AMPD2: variants seen among roughly 807,000 people sequenced by gnomAD.
AMPD2 encodes adenosine monophosphate deaminase 2, also known as AMP deaminase 2.
Under a neutral mutation model 91.3 loss-of-function variants are expected in AMPD2, and 52 were observed. The ratio of observed to expected loss-of-function variants is 0.57; its 90% CI spans 0.46 to 0.72. The LOEUF is 0.72. AMPD2 is among the 30% of genes least tolerant of loss of function. AMPD2 has a pLI of 0.00. For synonymous variants in AMPD2, 455 were observed against 456.4 expected, an observed-to-expected ratio of 1.00 and a Z score of 0.04; for missense variants, 822 against 1,122.3, an observed-to-expected ratio of 0.73 and a Z score of 3.82.
At position 109,630,983 on chromosome 1, in the gene AMPD2, G is replaced by A; in HGVS notation, c.2309G>A (p.Gly770Asp). 1.2e-6 allele frequency: 2 copies of A among 1,614,170 alleles called. No homozygotes were observed. Among genetic ancestry groups the A allele is most frequent in the African/African-American group, 1.3e-5 (1 of 75,070 alleles). Residue 770 changes from glycine to aspartate, a missense_variant, in exon 19 of 19, where the codon GGC becomes GAC. Gly to Asp is a moderately conservative substitution (Grantham distance 94). This residue lies in a region of AMPD2 where 430 missense variants were observed against 606.0 expected (regional missense o/e 0.71). Coordinates refer to ENST00000528667, the MANE Select transcript of AMPD2 (RefSeq NM_001368809.2). ...HWLGPNYTKE[G>D]PEGNDIRRTN... Reference sequence around the variant, plus strand: ...CTGGGACCCAACTATACCAAGGAAGGCCCTGAGGGGAATGACATCCGCCGG... The same window carrying A: ...CTGGGACCCAACTATACCAAGGAAGACCCTGAGGGGAATGACATCCGCCGG...
intron 1 of AMPD2, chr1:109,620,502 GGCCTTCCT>G: frequency 8.3e-7 from 1 of 1,211,650 alleles, no homozygotes; most frequent in Non-Finnish European, 1.1e-6. Context: ...GGGGTCTCCT[GGCCTTCCT>G]GCCTTCCTGG....
rs867977734 is a variant in AMPD2, at chr1:109,620,942, T to A, written c.-234T>A. On this transcript the variant is annotated 5_prime_UTR_variant, in exon 2 of 19. Transcript: ENST00000528667. ...CAGCCACCATCAGTCACGTCACTCC[T>A]GGGACTGAGGAGGCAGGGGAGGGAT... is the stretch of plus-strand genomic sequence containing the variant. 1.3e-6 allele frequency: 2 copies of A among 1,514,364 alleles called. No homozygotes were observed. Among genetic ancestry groups the A allele is most frequent in the African/African-American group, 1.4e-5 (1 of 71,750 alleles). The allele number at this position is 1,514,364 out of a possible 1,614,324, so 93.8% of individuals were successfully genotyped here.
Position 109,625,103 on chromosome 1 carries a change from G to A in AMPD2, c.92-200G>A, listed in dbSNP as rs138999094. Among the ~76,000 whole-genome samples, 1,034 of 152,236 alleles carry A rather than the reference G, an allele frequency of 6.8e-3. 15 individuals are homozygous for A. Among genetic ancestry groups the A allele is most frequent in the African/African-American group, 0.023 (964 of 41,534 alleles). ...AGAATCCCCACCCCAAGCCTGGAAT[G>A]GGTGAGGGGTCCCTGCGTTAGAGGT... On this transcript the variant is annotated intron_variant, in intron 2 of 18. Coordinates refer to ENST00000528667, the MANE Select transcript of AMPD2 (RefSeq NM_001368809.2). This position sits in a 1 kb window ranked among gnomAD's most constrained non-coding sequence, Gnocchi z 4.0.
Position 109,628,380 on chromosome 1 carries a change from A to T in AMPD2, c.1292A>T (p.His431Leu). The change falls in exon 12 of 19, where the codon CAT becomes CTT. Residue 431 changes from histidine (H) to leucine (L), a missense_variant. By Grantham distance (99) the His-to-Leu change is moderately conservative (BLOSUM62 -3). Transcript: ENST00000528667. This position sits in a 1 kb window ranked among gnomAD's most constrained non-coding sequence, Gnocchi z 7.1. ...GTCCCCCAGGACAGGAACACTTTCC[A>T]TCGCTTTGACAAGTTTAATGCCAAA... is the stretch of plus-strand genomic sequence containing the variant. ...LDVHADRNTF[H>L]RFDKFNAKYN... 1 of 1,614,116 alleles carries T rather than the reference A, an allele frequency of 6.2e-7. No homozygotes were observed. The highest frequency in any genetic ancestry group is 8.5e-7 in the Non-Finnish European group (1 of 1,180,028).
chr1:109,629,729 G>GA, intron 15 of AMPD2, 67 bp from the exon 16 acceptor site: 1 of 1,534,830 alleles, frequency 6.5e-7, no homozygotes, highest in Non-Finnish European at 8.8e-7. Flanking sequence ...CTGGGTGGGG[G>GA]TCAGGGGCTC....
At position 109,625,190 on chromosome 1, in the gene AMPD2, GC is replaced by G; in HGVS notation, c.92-110del. 1 of 1,438,684 alleles carries G rather than the reference GC, an allele frequency of 7.0e-7. No homozygotes were observed. Among genetic ancestry groups the G allele is most frequent in the African/African-American group, 1.4e-5 (1 of 70,686 alleles). The allele number at this position is 1,438,684 out of a possible 1,614,324, so 89.1% of individuals were successfully genotyped here. ...ACTCCTCAGCTACTGAGGAGGGACT[GC>G]CCTCTTTCCCGACCCTGGGCTCTCT... On this transcript the variant is annotated intron_variant, in intron 2 of 18. Transcript: ENST00000528667. The surrounding 1 kb of genome is among the most constrained non-coding windows in gnomAD (Gnocchi z 4.0).
rs1413024615 is a variant in AMPD2 at position 109,628,346 on chromosome 1, C to A, written c.1276-18C>A. On this transcript the variant is annotated intron_variant, in intron 11 of 18. Transcript: ENST00000528667. This position sits in a 1 kb window ranked among gnomAD's most constrained non-coding sequence, Gnocchi z 7.1. ...GACCAGGAGTCACGGGTGACCTGAG[C>A]CTTCCCATGTCCCCCAGGACAGGAA... is the stretch of plus-strand genomic sequence containing the variant. The A allele has an allele frequency of 1.2e-6, 2 of 1,613,838 alleles. No homozygotes were observed. The highest frequency in any genetic ancestry group is 1.7e-6 in the Non-Finnish European group (2 of 1,179,876).
rs552559905 is a variant in AMPD2, at chr1:109,626,797, G to A, written c.603G>A (p.Met201Ile). 6.2e-7 allele frequency: 1 copy of A among 1,613,924 alleles called. No individual in the cohort carries two copies. Among genetic ancestry groups the A allele is most frequent in the South Asian group, 1.1e-5 (1 of 91,086 alleles). Residue 201 changes from methionine to isoleucine, a missense_variant, in exon 7 of 19, where the codon ATG (methionine) becomes ATA (isoleucine). Physicochemically the swap from Met to Ile is conservative, Grantham distance 10. This residue lies in a region of AMPD2 where 240 missense variants were observed against 270.3 expected (regional missense o/e 0.89). Coordinates refer to ENST00000528667, the MANE Select transcript of AMPD2 (RefSeq NM_001368809.2). ...CGCTCTTCATCCGGGAGAAGTACAT[G>A]GCCCTGTCCCTGCAGAGCTTCTGCC... Reference protein sequence around the residue: ...VRALFIREKYMALSLQSFCPT... With the variant: ...VRALFIREKYIALSLQSFCPT...
In AMPD2 at chr1:109,625,845, T is replaced by TC; in HGVS notation, c.353+54dup. On this transcript the variant is annotated intron_variant, in intron 4 of 18. Transcript: ENST00000528667. This position sits in a 1 kb window ranked among gnomAD's most constrained non-coding sequence, Gnocchi z 4.0. ...TCCCTCCATACCCTTCCAGACCCTT[T>TC]CAGAGCCCCTTTTCTGCCTCTTTCC... is the stretch of plus-strand genomic sequence containing the variant. 1 of 1,605,780 alleles carries TC rather than the reference T, an allele frequency of 6.2e-7. No individual in the cohort carries two copies. Among genetic ancestry groups the TC allele is most frequent in the Non-Finnish European group, 8.5e-7 (1 of 1,174,514 alleles).
rs760392869 is a variant in AMPD2, at chr1:109,628,543, G to A, written c.1407+48G>A. The A allele has an allele frequency of 7.4e-6, 12 of 1,612,092 alleles. No individual in the cohort carries two copies. In the African/African-American group the frequency reaches 1.5e-4, roughly 20 times the overall value. ...CAAGCCTCGAGCCTGAGGATCTGGG[G>A]GCTTTTAGGGGGTGAGACTCAAGGA... On this transcript the variant is annotated intron_variant, in intron 12 of 18. Coordinates refer to ENST00000528667, the MANE Select transcript of AMPD2 (RefSeq NM_001368809.2). This position sits in a 1 kb window ranked among gnomAD's most constrained non-coding sequence, Gnocchi z 7.1.
At chr1:109,630,539 A>G in intron 17 of AMPD2, 133 bp downstream of exon 17, 3 of 886,122 alleles carry the variant, frequency 3.4e-6, no homozygotes, top group Admixed American at 2.6e-5. Flanking sequence ...TAGCTGGCCA[A>G]TTGACAAGTC....
At chr1:109,622,085 T>G (rs556165270) in intron 2 of AMPD2, 6 of 396,734 alleles carry the variant, frequency 1.5e-5, no homozygotes, top group South Asian at 7.2e-5. Flanking sequence ...AGACCCACCC[T>G]GACTTTGATG....
rs1239795114 is a variant in AMPD2, at chr1:109,620,703, G to A, written c.-262-211G>A. On this transcript the variant is annotated intron_variant, in intron 1 of 18. Coordinates refer to ENST00000528667, the MANE Select transcript of AMPD2 (RefSeq NM_001368809.2). Reference sequence around the variant, plus strand: ...GCCTGCCCTGCCCCGGGAGGACTGTGTTTGAGCTTGGACTCGCTCGCTGCT... The same window carrying A: ...GCCTGCCCTGCCCCGGGAGGACTGTATTTGAGCTTGGACTCGCTCGCTGCT... The A allele has an allele frequency of 3.0e-5, 37 of 1,222,998 alleles. No homozygotes were observed. The East Asian group carries it at 3.4e-4, about 11-fold the overall frequency. 75.8% of individuals were successfully genotyped at this position (1,222,998 alleles called of 1,614,324 possible). A position where few individuals can be genotyped will look rare whatever the true frequency, so the allele number is the denominator to read the frequency against.
Position 109,630,313 on chromosome 1 carries a change from C to T in AMPD2, c.2064C>T (p.Leu688=). The T allele has an allele frequency of 6.2e-7, 1 of 1,614,046 alleles. No homozygotes were observed. Among genetic ancestry groups the T allele is most frequent in the Non-Finnish European group, 8.5e-7 (1 of 1,180,006 alleles). ...CGCTCAGCAACAACAGCCTCTTCCTCAGCTATCACCGGAATCCGCTACCGG... is the reference window on the plus strand; with the variant it reads ...CGCTCAGCAACAACAGCCTCTTCCTTAGCTATCACCGGAATCCGCTACCGG... ...MSPLSNNSLF[L]SYHRNPLPEY... The change falls in exon 17 of 19, where the codon CTC becomes CTT. Residue 688 remains leucine (L), a synonymous_variant. Coordinates refer to ENST00000528667, the MANE Select transcript of AMPD2 (RefSeq NM_001368809.2).
Position 109,630,456 on chromosome 1 carries a change from G to A in AMPD2, c.2157+50G>A, listed in dbSNP as rs761835341. 2.8e-6 allele frequency: 4 copies of A among 1,437,348 alleles called. No individual in the cohort carries two copies. In the East Asian group the frequency reaches 7.3e-5, roughly 26 times the overall value. 89.0% of individuals were successfully genotyped at this position (1,437,348 alleles called of 1,614,324 possible). A position where few individuals can be genotyped will look rare whatever the true frequency, so the allele number is the denominator to read the frequency against. The stretch of plus-strand genomic sequence containing the variant: ...CGGGCGGGCGTCCCAGGACGCTGGG[G>A]TCTCCCGGGTTGGGTGGGGGGCGGT... On this transcript the variant is annotated intron_variant, in intron 17 of 18. Transcript: ENST00000528667.
chr1:109,629,720 T>A, intron 15 of AMPD2, 76 bp from the exon 16 acceptor site: 2 of 1,441,132 alleles, frequency 1.4e-6, no homozygotes, highest in Non-Finnish European at 1.8e-6. Context: ...ATATGCGTGC[T>A]GGGTGGGGGT....
At position 109,627,914 on chromosome 1, in the gene AMPD2, AC is replaced by A; in HGVS notation, c.1080+15del. 8.1e-6 allele frequency: 13 copies of A among 1,611,590 alleles called. No homozygotes were observed. The highest frequency in any genetic ancestry group is 1.1e-5 in the Non-Finnish European group (13 of 1,179,222). ...TACAACATCCGCAAGGTGGGCCCTCACCCCGTGGCCGTCTCCATGTCCTCAT... is the reference window on the plus strand; with the variant it reads ...TACAACATCCGCAAGGTGGGCCCTCACCCGTGGCCGTCTCCATGTCCTCAT... On this transcript the variant is annotated intron_variant, in intron 10 of 18. Transcript: ENST00000528667.
At position 109,626,973 on chromosome 1, in the gene AMPD2, G is replaced by T. The variant is rs1349194150; in HGVS notation, c.718+61G>T. On this transcript the variant is annotated intron_variant, in intron 7 of 18. Transcript: ENST00000528667. ...CTAGCCTCCTGGGCTTCTCAGCCTGGTGCCTGGGCACCTCTGCCCTGCCTG... is the reference window on the plus strand; with the variant it reads ...CTAGCCTCCTGGGCTTCTCAGCCTGTTGCCTGGGCACCTCTGCCCTGCCTG... 9.6e-6 allele frequency: 15 copies of T among 1,569,500 alleles called. No individual in the cohort carries two copies. In the Admixed American group the frequency reaches 1.1e-4, roughly 11 times the overall value.
Position 109,628,304 on chromosome 1 carries a change from G to A in AMPD2, c.1275+27G>A, listed in dbSNP as rs1650894106. 3.1e-6 allele frequency: 5 copies of A among 1,612,914 alleles called. No individual in the cohort carries two copies. Among genetic ancestry groups the A allele is most frequent in the African/African-American group, 1.3e-5 (1 of 74,910 alleles). On this transcript the variant is annotated intron_variant, in intron 11 of 18. Coordinates refer to ENST00000528667, the MANE Select transcript of AMPD2 (RefSeq NM_001368809.2). The surrounding 1 kb of genome is among the most constrained non-coding windows in gnomAD (Gnocchi z 7.1). Reference sequence around the variant, plus strand: ...TCTGTGCCAGTGGCGTGGGCTGTGGGACTGAGTCAGTCAGGGGACCAGGAG... The same window carrying A: ...TCTGTGCCAGTGGCGTGGGCTGTGGAACTGAGTCAGTCAGGGGACCAGGAG...
Sources: gnomAD v4.1 joint callset for allele counts (sites outside exome capture counted in the v4.1 genomes callset) on GRCh38, gnomAD v4.1.1 for gene constraint, gnomAD v4.1.1 regional missense constraint, Gnocchi (gnomAD v3.1) non-coding constraint, MANE v1.5 for transcripts, NCBI Gene and HGNC (gene_info 2026-07-23, HGNC 2026-07-21) for gene names.